The following TPD52L1 variants were observed in gnomAD, a reference collection of about 807,000 sequenced individuals.
TPD52L1 encodes the protein tumor protein D53.
In TPD52L1, 18 loss-of-function variants were observed where a neutral mutation model predicts 28.7. That is an observed-to-expected ratio of 0.63 (90% CI 0.43 to 0.93). TPD52L1 has a LOEUF of 0.93. Among genes scored for constraint, TPD52L1 ranks in the 40% least tolerant of loss-of-function variants. The pLI is 0.00. For missense variants in TPD52L1, 203 were observed against 254.8 expected (o/e 0.80, Z 1.39); for synonymous variants, 75 against 88.8 (o/e 0.84, Z 0.88).
chr6:125,256,214 G>T (rs1350326729), intron 5 of TPD52L1, among the ~76,000 whole-genome samples: 1 of 152,142 alleles, frequency 6.6e-6, no homozygotes, highest in African/African-American at 2.4e-5. Context: ...GCTGGATGTG[G>T]TGGTGGGCAC....
At chr6:125,189,186 A>G (rs1426056892) in intron 1 of TPD52L1, among the ~76,000 whole-genome samples, 1 of 152,240 alleles carries the variant, frequency 6.6e-6, no homozygotes, top group Non-Finnish European at 1.5e-5. Context: ...AAAGTTGGAA[A>G]AAGAATTTCC....
At chr6:125,242,658 C>G (rs1399078886) in intron 3 of TPD52L1, among the ~76,000 whole-genome samples, 1 of 152,078 alleles carries the variant, frequency 6.6e-6, no homozygotes, top group Non-Finnish European at 1.5e-5. Context: ...TTTTCCACCT[C>G]TTTACCTTAA....
chr6:125,247,346 T>G (rs1205601583), intron 3 of TPD52L1, among the ~76,000 whole-genome samples: 1 of 152,168 alleles, frequency 6.6e-6, no homozygotes, highest in African/African-American at 2.4e-5. Context: ...GTACCTTTTA[T>G]TTCCCACTTT....
intron 1 of TPD52L1, among the ~76,000 whole-genome samples, chr6:125,167,790 C>T (rs1019477128): frequency 2.0e-5 from 3 of 151,536 alleles, no homozygotes; most frequent in Non-Finnish European, 4.4e-5. Context: ...GTGGCATCCA[C>T]AGGGTAGGAA....
chr6:125,203,725 T>C (rs928954194), intron 1 of TPD52L1: 18 of 985,244 alleles, frequency 1.8e-5, no homozygotes, highest in African/African-American at 3.5e-5. Flanking sequence ...GAGAATCCAG[T>C]TGGCTCCCCT....
At chr6:125,250,713 A>C (rs928844655) in intron 4 of TPD52L1, among the ~76,000 whole-genome samples, 11 of 152,204 alleles carry the variant, frequency 7.2e-5, no homozygotes, top group Non-Finnish European at 1.5e-4. Context: ...AATTGGGTAC[A>C]ATGTCAAGGT....
At chr6:125,172,687 G>GTC (rs1791574367) in intron 1 of TPD52L1, among the ~76,000 whole-genome samples, 1 of 136,004 alleles carries the variant, frequency 7.4e-6, no homozygotes, top group Non-Finnish European at 1.5e-5. Flanking sequence ...TTTCTTCATT[G>GTC]TCTCTTCCCA....
chr6:125,168,841 G>C (rs1031139512), intron 1 of TPD52L1, among the ~76,000 whole-genome samples: 1 of 152,112 alleles, frequency 6.6e-6, no homozygotes, highest in Admixed American at 6.5e-5. Context: ...CCCATACTGA[G>C]GGAAAATAAA....
chr6:125,210,844 CA>C (rs1369480216), intron 1 of TPD52L1, among the ~76,000 whole-genome samples: 20 of 152,176 alleles, frequency 1.3e-4, no homozygotes, highest in Non-Finnish European at 2.8e-4. Flanking sequence ...CCCCATTTTA[CA>C]GATGAAAAGA....
At chr6:125,188,485 A>G (rs1331408274) in intron 1 of TPD52L1, among the ~76,000 whole-genome samples, 2 of 152,168 alleles carry the variant, frequency 1.3e-5, no homozygotes, top group East Asian at 3.8e-4. Context: ...TGGTTTTCAG[A>G]CTTCTCAAAA....
intron 1 of TPD52L1, chr6:125,219,824 C>T: frequency 2.2e-6 from 1 of 459,986 alleles, no homozygotes; most frequent in Non-Finnish European, 4.0e-6. Context: ...ATGTAGACCT[C>T]CCTGAAAGCT....
At chr6:125,168,076 T>C (rs1361660944) in intron 1 of TPD52L1, among the ~76,000 whole-genome samples, 1 of 152,204 alleles carries the variant, frequency 6.6e-6, no homozygotes, top group Admixed American at 6.5e-5. Context: ...TCACTTACTA[T>C]CTCAAATCTT....
chr6:125,166,269 A>C (rs946052836), intron 1 of TPD52L1, among the ~76,000 whole-genome samples: 3 of 152,210 alleles, frequency 2.0e-5, no homozygotes, highest in Non-Finnish European at 2.9e-5. Context: ...TTCTCTCTGC[A>C]TAAAGAGCTA....
intron 1 of TPD52L1, among the ~76,000 whole-genome samples, chr6:125,219,244 G>T (rs988205380): frequency 6.6e-6 from 1 of 152,176 alleles, no homozygotes; most frequent in Admixed American, 6.5e-5. Flanking sequence ...ATGTTGAGGG[G>T]CCCTACCAGG....
chr6:125,249,376 T>C (rs1290848739), intron 4 of TPD52L1, among the ~76,000 whole-genome samples: 1 of 151,852 alleles, frequency 6.6e-6, no homozygotes, highest in Non-Finnish European at 1.5e-5. Context: ...GTTACTTTTT[T>C]ATTAAAAAGA....
At chr6:125,196,349 T>TG (rs1294771191) in intron 1 of TPD52L1, among the ~76,000 whole-genome samples, 3 of 152,200 alleles carry the variant, frequency 2.0e-5, no homozygotes, top group Admixed American at 6.5e-5. Flanking sequence ...CAGAAACACC[T>TG]GGGGCAGTTC....
At chr6:125,230,183 CT>C (rs376076158) in intron 3 of TPD52L1, among the ~76,000 whole-genome samples, 1 of 152,246 alleles carries the variant, frequency 6.6e-6, no homozygotes, top group East Asian at 1.9e-4. Context: ...TACAATCACA[CT>C]TTTTTTATTA....
chr6:125,184,532 T>A (rs1792457243), intron 1 of TPD52L1, among the ~76,000 whole-genome samples: 1 of 152,216 alleles, frequency 6.6e-6, no homozygotes. Flanking sequence ...AAGGCAGGTA[T>A]GTCCACACAG....
rs139731274 is a variant in TPD52L1, at chr6:125,229,127, G to A, written c.145G>A (p.Glu49Lys). The change falls in exon 3 of 7, where the codon GAA (glutamate) becomes AAA (lysine). Residue 49 changes from glutamate to lysine, a missense_variant. Physicochemically the swap from Glu to Lys is moderately conservative, Grantham distance 56. Transcript: ENST00000534000. The part of the protein sequence containing the change: ...LKAELVQLED[E>K]ITTLRQVLSA... Reference sequence around the variant, plus strand: ...CCCCTCCGCCTTGTAGCTAGAAGACGAAATTACAACACTACGACAAGTTTT... The same window carrying A: ...CCCCTCCGCCTTGTAGCTAGAAGACAAAATTACAACACTACGACAAGTTTT... 3.0e-5 allele frequency: 48 copies of A among 1,611,112 alleles called. No homozygotes were observed. The highest frequency in any genetic ancestry group is 6.7e-5 in the Admixed American group (4 of 59,434).
Sources: allele counts gnomAD v4.1 joint callset (sites outside exome capture counted in the v4.1 genomes callset), GRCh38; gene constraint gnomAD v4.1.1; transcripts MANE v1.5; gene names NCBI Gene and HGNC (gene_info 2026-07-23, HGNC 2026-07-21).